The following WNT9A variants were observed in gnomAD, a reference collection of about 807,000 sequenced individuals.
WNT9A encodes the protein protein Wnt-9a.
WNT9A carries 8 observed loss-of-function variants against 31.4 expected under a neutral mutation model. That is an observed-to-expected ratio of 0.26 (90% CI 0.15 to 0.46). The LOEUF (loss-of-function observed/expected upper bound fraction) is 0.46, where lower values mean the gene tolerates loss of function less well. Among genes scored for constraint, WNT9A ranks in the 20% least tolerant of loss-of-function variants. The pLI, the probability that WNT9A is intolerant of heterozygous loss-of-function variation, is 0.99. For missense variants in WNT9A, 457 were observed against 522.9 expected (o/e 0.87, Z 1.23); for synonymous variants, 236 against 220.1 (o/e 1.07, Z -0.64).
chr1:227,928,503 T>A lies in WNT9A; in HGVS notation c.96-2984A>T, dbSNP rs757306843. Reference sequence around the variant, plus strand: ...ATGGCCTTCTTAAGCTCCTGCCCCCTCACCTCTCCCACCCTGGGTAACCCC... The same window carrying A: ...ATGGCCTTCTTAAGCTCCTGCCCCCACACCTCTCCCACCCTGGGTAACCCC... On this transcript the variant is annotated intron_variant, in intron 1 of 3. Coordinates refer to ENST00000272164, the MANE Select transcript of WNT9A (RefSeq NM_003395.4). The surrounding 1 kb of genome is among the most constrained non-coding windows in gnomAD (Gnocchi z 4.5). Among the ~76,000 whole-genome samples, 2 of 152,180 alleles carry A rather than the reference T, an allele frequency of 1.3e-5. No homozygotes were observed. The highest frequency in any genetic ancestry group is 2.9e-5 in the Non-Finnish European group (2 of 68,024).
In WNT9A at chr1:227,925,769, C is replaced by T. The variant is rs954639729; in HGVS notation, c.96-250G>A. Among the ~76,000 whole-genome samples, 2 of 152,038 alleles carry T rather than the reference C, an allele frequency of 1.3e-5. No individual in the cohort carries two copies. The highest frequency in any genetic ancestry group is 2.4e-5 in the African/African-American group (1 of 41,386). On this transcript the variant is annotated intron_variant, in intron 1 of 3. Transcript: ENST00000272164. The surrounding 1 kb of genome is among the most constrained non-coding windows in gnomAD (Gnocchi z 6.0). Reference sequence around the variant, plus strand: ...GGCTGTCTCTGCTGCCGACTCGACCCCCACAGTTTCAGGGAGTCTAGCTGA... The same window carrying T: ...GGCTGTCTCTGCTGCCGACTCGACCTCCACAGTTTCAGGGAGTCTAGCTGA...
chr1:227,937,315 C>T (rs561136516), intron 1 of WNT9A, among the ~76,000 whole-genome samples: 1 of 152,304 alleles, frequency 6.6e-6, no homozygotes, highest in East Asian at 1.9e-4. Flanking sequence ...TGTTTCTGTG[C>T]AGGCCTGGTT....
At chr1:227,935,242 C>A (rs531130603) in intron 1 of WNT9A, among the ~76,000 whole-genome samples, 3 of 152,004 alleles carry the variant, frequency 2.0e-5, no homozygotes, top group Admixed American at 1.3e-4. Flanking sequence ...ACATACAGAG[C>A]CTGAGTCACA....
chr1:227,925,877 G>T lies in WNT9A; in HGVS notation c.96-358C>A, dbSNP rs1169052037. The stretch of plus-strand genomic sequence containing the variant: ...CAGCCCCGCCTAGGGCTGTGGGCAG[G>T]GAGGAGGCTCCGGAGCCTGAATCCC... On this transcript the variant is annotated intron_variant, in intron 1 of 3. Coordinates refer to ENST00000272164, the MANE Select transcript of WNT9A (RefSeq NM_003395.4). This position sits in a 1 kb window ranked among gnomAD's most constrained non-coding sequence, Gnocchi z 6.0. 1.3e-5 allele frequency among the ~76,000 whole-genome samples: 2 copies of T among 152,112 alleles called. No individual in the cohort carries two copies. The highest frequency in any genetic ancestry group is 3.9e-4 in the East Asian group (2 of 5,176).
chr1:227,945,299 G>A (rs1375895501), intron 1 of WNT9A, among the ~76,000 whole-genome samples: 2 of 152,210 alleles, frequency 1.3e-5, no homozygotes, highest in African/African-American at 2.4e-5. Context: ...CCAGGCCAGC[G>A]AGGAGGCACA....
intron 1 of WNT9A, among the ~76,000 whole-genome samples, chr1:227,938,932 G>A (rs777892816): frequency 1.7e-4 from 26 of 152,184 alleles, no homozygotes; most frequent in Non-Finnish European, 3.5e-4. Context: ...ACCTGAAAGC[G>A]GCCTCTGACC....
intron 1 of WNT9A, among the ~76,000 whole-genome samples, chr1:227,932,576 A>G (rs1274389097): frequency 6.6e-6 from 1 of 152,158 alleles, no homozygotes; most frequent in Non-Finnish European, 1.5e-5. Context: ...TTTTCAATAG[A>G]CTTTTCCTAG....
At chr1:227,934,983 C>G (rs1462185592) in intron 1 of WNT9A, among the ~76,000 whole-genome samples, 1 of 151,970 alleles carries the variant, frequency 6.6e-6, no homozygotes, top group Non-Finnish European at 1.5e-5. Flanking sequence ...CACATAGAGC[C>G]TGAGTCACAG....
At chr1:227,941,147 T>C (rs1371022737) in intron 1 of WNT9A, among the ~76,000 whole-genome samples, 1 of 152,208 alleles carries the variant, frequency 6.6e-6, no homozygotes, top group Non-Finnish European at 1.5e-5. Context: ...GACACAGCCC[T>C]GCCAGAGTCA....
At chr1:227,927,392 G>C (rs892402262) in intron 1 of WNT9A, among the ~76,000 whole-genome samples, 4 of 152,220 alleles carry the variant, frequency 2.6e-5, no homozygotes, top group African/African-American at 9.6e-5. Flanking sequence ...GGACCAGCCA[G>C]TCCTCTGAGC....
chr1:227,946,840 G>A (rs1054448258), intron 1 of WNT9A, among the ~76,000 whole-genome samples: 2 of 152,166 alleles, frequency 1.3e-5, no homozygotes, highest in African/African-American at 2.4e-5. Flanking sequence ...ACAGGTGACC[G>A]GCGGAGGGCG....
chr1:227,934,911 T>C (rs552944186), intron 1 of WNT9A, among the ~76,000 whole-genome samples: 4 of 150,970 alleles, frequency 2.6e-5, no homozygotes, highest in South Asian at 2.1e-4. Flanking sequence ...TAGGTCACCA[T>C]AGACAGCCTG....
intron 1 of WNT9A, among the ~76,000 whole-genome samples, chr1:227,930,802 C>T (rs964916025): frequency 2.0e-5 from 3 of 152,164 alleles, no homozygotes; most frequent in African/African-American, 4.8e-5. Flanking sequence ...GGAAGGATCA[C>T]TTAAGGTCAG....
intron 3 of WNT9A, 78 bp downstream of exon 3, chr1:227,924,060 A>AG: frequency 1.7e-4 from 7 of 41,764 alleles, no homozygotes; most frequent in East Asian, 5.4e-4. Context: ...CCCCGCCCCC[A>AG]GTCCCACGCC....
intron 1 of WNT9A, among the ~76,000 whole-genome samples, chr1:227,932,165 T>C (rs1666523957): frequency 6.6e-6 from 1 of 152,262 alleles, no homozygotes; most frequent in Admixed American, 6.5e-5. Context: ...GTCACTCTTC[T>C]CAAACCCTGC....
At chr1:227,939,795 A>T (rs1055413234) in intron 1 of WNT9A, among the ~76,000 whole-genome samples, 3 of 152,180 alleles carry the variant, frequency 2.0e-5, no homozygotes, top group African/African-American at 7.2e-5. Flanking sequence ...GACAGCGTTT[A>T]ATTTCTGTGT....
At chr1:227,945,512 C>A (rs1352590259) in intron 1 of WNT9A, among the ~76,000 whole-genome samples, 2 of 152,294 alleles carry the variant, frequency 1.3e-5, no homozygotes, top group South Asian at 2.1e-4. Flanking sequence ...ACGTGACCCT[C>A]CCCCAGGCCA....
In WNT9A at chr1:227,922,026, G is replaced by A. The variant is rs776811259; in HGVS notation, c.616-26C>T. On this transcript the variant is annotated intron_variant, in intron 3 of 3. Transcript: ENST00000272164. ...CTGGCAGAAGGGTGCGGGAGGGAGG[G>A]CAGTGTGAGGGCTGTGCAGGTGGGC... 4.4e-6 allele frequency: 7 copies of A among 1,578,596 alleles called. No individual in the cohort carries two copies. In the African/African-American group the frequency reaches 9.4e-5, roughly 21 times the overall value.
chr1:227,939,727 G>A (rs1306699227), intron 1 of WNT9A, among the ~76,000 whole-genome samples: 1 of 151,884 alleles, frequency 6.6e-6, no homozygotes, highest in Non-Finnish European at 1.5e-5. Context: ...GGCAGAGGGA[G>A]AAGAGACTGC....
Sources: allele counts gnomAD v4.1 joint callset (sites outside exome capture counted in the v4.1 genomes callset), GRCh38; gene constraint gnomAD v4.1.1; non-coding constraint Gnocchi (gnomAD v3.1); transcripts MANE v1.5; gene names NCBI Gene and HGNC (gene_info 2026-07-23, HGNC 2026-07-21).